Variants in BRINP2 observed in about 807,000 individuals in gnomAD.
BRINP2 encodes the protein BMP/retinoic acid-inducible neural-specific protein 2.
In BRINP2, 21 loss-of-function variants were observed where a neutral mutation model predicts 69.2. That is an observed-to-expected ratio of 0.30 (90% confidence interval 0.22 to 0.44). The LOEUF is 0.44. BRINP2 is among the 20% of genes least tolerant of loss of function. BRINP2 has a pLI of 1.00. For synonymous variants in BRINP2, 380 were observed against 394.1 expected, an observed-to-expected ratio of 0.96 and a Z score of 0.42; for missense variants, 877 against 986.0, an observed-to-expected ratio of 0.89 and a Z score of 1.48.
At chr1:177,261,193 T>C (rs1052437151) in intron 4 of BRINP2, among the ~76,000 whole-genome samples, 5 of 143,676 alleles carry the variant, frequency 3.5e-5, no homozygotes, top group Admixed American at 7.1e-5. Context: ...AGGAGAGAAA[T>C]GAAGTGAAAG....
intron 1 of BRINP2, 54 bp from the exon 2 acceptor site, chr1:177,229,747 A>C: frequency 7.8e-7 from 1 of 1,282,296 alleles, no homozygotes; most frequent in East Asian, 2.6e-5. Flanking sequence ...TGATGCTCAC[A>C]GGCCCATGGG....
chr1:177,189,529 C>T (rs1051458070), intron 1 of BRINP2, among the ~76,000 whole-genome samples: 15 of 152,204 alleles, frequency 9.9e-5, no homozygotes, highest in Non-Finnish European at 2.1e-4. Context: ...GCCATTTACC[C>T]TTAGACTTGT....
chr1:177,250,939 C>T (rs1428581026), intron 2 of BRINP2, among the ~76,000 whole-genome samples: 1 of 152,120 alleles, frequency 6.6e-6, no homozygotes, highest in Non-Finnish European at 1.5e-5. Context: ...TTATATTTTC[C>T]CCCTTATATG....
intron 4 of BRINP2, among the ~76,000 whole-genome samples, chr1:177,269,665 A>G (rs1651241867): frequency 6.6e-6 from 1 of 152,234 alleles, no homozygotes; most frequent in African/African-American, 2.4e-5. Context: ...GCTCACAATT[A>G]GAAGCCCATT....
At chr1:177,193,923 G>A (rs965096982) in intron 1 of BRINP2, among the ~76,000 whole-genome samples, 1 of 152,162 alleles carries the variant, frequency 6.6e-6, no homozygotes, top group Admixed American at 6.5e-5. Flanking sequence ...AACTCATTTA[G>A]GAGACGGACT....
intron 1 of BRINP2, among the ~76,000 whole-genome samples, chr1:177,225,435 C>T (rs1371993334): frequency 2.0e-5 from 3 of 152,226 alleles, no homozygotes; most frequent in Non-Finnish European, 2.9e-5. Flanking sequence ...AAGGAACTCA[C>T]TTAGCCATTA....
intron 4 of BRINP2, among the ~76,000 whole-genome samples, chr1:177,272,693 C>G (rs1651366781): frequency 6.6e-6 from 1 of 152,234 alleles, no homozygotes; most frequent in Non-Finnish European, 1.5e-5. Flanking sequence ...TGGAATTAAA[C>G]AGTGGCTGCT....
At chr1:177,249,376 G>A (rs1202455574) in intron 2 of BRINP2, among the ~76,000 whole-genome samples, 1 of 152,210 alleles carries the variant, frequency 6.6e-6, no homozygotes, top group African/African-American at 2.4e-5. Context: ...CAATGTGAAT[G>A]CATTTTACAG....
At chr1:177,262,081 G>C (rs1037960684) in intron 4 of BRINP2, among the ~76,000 whole-genome samples, 1 of 152,192 alleles carries the variant, frequency 6.6e-6, no homozygotes, top group Non-Finnish European at 1.5e-5. Flanking sequence ...TGAGGAATCA[G>C]ATATGAGTAG....
intron 1 of BRINP2, among the ~76,000 whole-genome samples, chr1:177,186,991 CA>C (rs887041546): frequency 6.6e-6 from 1 of 152,174 alleles, no homozygotes; most frequent in African/African-American, 2.4e-5. Context: ...AAACCTAAGT[CA>C]GATCTGTCTG....
At chr1:177,233,647 T>A (rs879934947) in intron 2 of BRINP2, among the ~76,000 whole-genome samples, 8 of 152,234 alleles carry the variant, frequency 5.3e-5, no homozygotes, top group Non-Finnish European at 1.0e-4. Context: ...TTCAGCTCTT[T>A]GCTGGGAGGG....
chr1:177,255,831 T>A, intron 2 of BRINP2, 88 bp from the exon 3 acceptor site: 1 of 1,351,042 alleles, frequency 7.4e-7, no homozygotes, highest in East Asian at 2.3e-5. Flanking sequence ...TGGCTGCAAG[T>A]GGAGGAAGAA....
intron 4 of BRINP2, among the ~76,000 whole-genome samples, chr1:177,259,738 T>G (rs1385161741): frequency 6.6e-6 from 1 of 152,204 alleles, no homozygotes; most frequent in Non-Finnish European, 1.5e-5. Flanking sequence ...CAATCCAGCC[T>G]CGATGACAGC....
At chr1:177,215,386 A>C (rs1228711978) in intron 1 of BRINP2, among the ~76,000 whole-genome samples, 2 of 152,218 alleles carry the variant, frequency 1.3e-5, no homozygotes, top group Non-Finnish European at 2.9e-5. Context: ...ATTCATGAAC[A>C]TGGGCTATCT....
intron 2 of BRINP2, among the ~76,000 whole-genome samples, chr1:177,237,525 G>A (rs1650066962): frequency 6.6e-6 from 1 of 152,182 alleles, no homozygotes; most frequent in Non-Finnish European, 1.5e-5. Context: ...CATGTCTTTG[G>A]GGGCTATACC....
rs1651651179 is a variant in BRINP2 at position 177,280,402 on chromosome 1, G to A, written c.1236-10G>A. On this transcript the variant is annotated splice_polypyrimidine_tract_variant and intron_variant, in intron 7 of 7. Transcript: ENST00000361539. ...TTGACTCTTACTTCATTTTATCTCT[G>A]CTCCCCAAGGTCCTTGTCCTACTGG... The A allele has an allele frequency of 6.3e-7, 1 of 1,575,376 alleles. No individual in the cohort carries two copies. The highest frequency in any genetic ancestry group is 1.8e-5 in the Admixed American group (1 of 54,916).
At chr1:177,193,724 T>C (rs751971252) in intron 1 of BRINP2, among the ~76,000 whole-genome samples, 3 of 152,206 alleles carry the variant, frequency 2.0e-5, no homozygotes, top group Non-Finnish European at 2.9e-5. Flanking sequence ...CACATGCCCT[T>C]ACTGCAGGCT....
rs1370387840 is a variant in BRINP2, at chr1:177,223,574, G to A, written c.-76-6227G>A. ...TATAGGTCTCAGAGTCAGAATATGC[G>A]AGTTTCACTTCTGTTTTATTGTGGA... On this transcript the variant is annotated intron_variant, in intron 1 of 7. Coordinates refer to ENST00000361539, the MANE Select transcript of BRINP2 (RefSeq NM_021165.4). Among the ~76,000 whole-genome samples the A allele has an allele frequency of 2.6e-5, 4 of 152,168 alleles. No individual in the cohort carries two copies. The East Asian group carries it at 5.8e-4, about 22-fold the overall frequency.
chr1:177,195,298 A>G (rs1291449463), intron 1 of BRINP2, among the ~76,000 whole-genome samples: 1 of 152,028 alleles, frequency 6.6e-6, no homozygotes, highest in Non-Finnish European at 1.5e-5. Flanking sequence ...CCTGTAATAA[A>G]ACAGTGTACC....
Sources: gnomAD v4.1 joint callset for allele counts (sites outside exome capture counted in the v4.1 genomes callset) on GRCh38, gnomAD v4.1.1 for gene constraint, MANE v1.5 for transcripts, NCBI Gene and HGNC (gene_info 2026-07-23, HGNC 2026-07-21) for gene names.